CACNA1C: variants seen among roughly 807,000 people sequenced by gnomAD.
CACNA1C encodes the protein voltage-dependent L-type calcium channel subunit alpha-1C.
CACNA1C carries 30 observed loss-of-function variants against 229.0 expected under a neutral mutation model. The ratio of observed to expected loss-of-function variants is 0.13; its 90% CI spans 0.10 to 0.18. The LOEUF (loss-of-function observed/expected upper bound fraction) is 0.18, where lower values mean the gene tolerates loss of function less well. CACNA1C is among the 10% of genes least tolerant of loss of function. The pLI is 1.00. For synonymous variants in CACNA1C, 1,114 were observed against 1,132.5 expected (o/e 0.98, Z 0.33); for missense variants, 1,658 against 2,845.0 (o/e 0.58, Z 9.49).
intron 9 of CACNA1C, among the ~76,000 whole-genome samples, chr12:2,522,698 T>A (rs2099812284): frequency 6.6e-6 from 1 of 152,114 alleles, no homozygotes; most frequent in South Asian, 2.1e-4. Context: ...CATGGATACA[T>A]TTCAGCCCTC....
chr12:2,607,243 T>A, intron 26 of CACNA1C, 113 bp downstream of exon 26: 1 of 1,105,028 alleles, frequency 9.0e-7, no homozygotes, highest in Non-Finnish European at 1.3e-6. Flanking sequence ...AGGTCATATT[T>A]ACCTGGGTCC....
intron 18 of CACNA1C, among the ~76,000 whole-genome samples, chr12:2,588,486 T>C (rs1360456829): frequency 6.6e-6 from 1 of 152,212 alleles, no homozygotes; most frequent in Non-Finnish European, 1.5e-5. Context: ...CTGTCCAGAT[T>C]GCACCCAAAG....
chr12:2,521,847 C>T (rs912424352), intron 9 of CACNA1C, among the ~76,000 whole-genome samples: 1 of 152,212 alleles, frequency 6.6e-6, no homozygotes, highest in Non-Finnish European at 1.5e-5. Flanking sequence ...CATATTTCTG[C>T]AGCCGACTGT....
intron 5 of CACNA1C, among the ~76,000 whole-genome samples, chr12:2,484,451 G>A (rs1418993118): frequency 1.3e-5 from 2 of 152,222 alleles, no homozygotes; most frequent in Non-Finnish European, 2.9e-5. Context: ...GGCACAGGAA[G>A]GATCTTGTCT....
intron 2 of CACNA1C, among the ~76,000 whole-genome samples, chr12:2,119,599 A>C (rs2085589525): frequency 1.3e-5 from 2 of 152,254 alleles, no homozygotes; most frequent in African/African-American, 4.8e-5. Flanking sequence ...AGCCCAGCAC[A>C]CACCAAGGAA....
chr12:2,484,467 C>G (rs1330000203), intron 5 of CACNA1C, among the ~76,000 whole-genome samples: 1 of 152,210 alleles, frequency 6.6e-6, no homozygotes. Flanking sequence ...TGTCTTCATC[C>G]TAAGAGCAGA....
chr12:2,183,576 A>C (rs1598378028), intron 3 of CACNA1C, among the ~76,000 whole-genome samples: 5 of 147,362 alleles, frequency 3.4e-5, no homozygotes, highest in African/African-American at 9.9e-5. Flanking sequence ...CTGGGGACAG[A>C]CCCCCCCCCG....
At chr12:2,176,703 C>A (rs1458703497) in intron 3 of CACNA1C, among the ~76,000 whole-genome samples, 1 of 152,164 alleles carries the variant, frequency 6.6e-6, no homozygotes, top group African/African-American at 2.4e-5. Context: ...CGCTTCAGGA[C>A]ATAAAATCCC....
chr12:2,253,316 A>G, intron 3 of CACNA1C, among the ~76,000 whole-genome samples: 1 of 152,192 alleles, frequency 6.6e-6, no homozygotes. Flanking sequence ...TTTCTAATCA[A>G]GCTTTTGGTT....
chr12:2,461,605 A>G (rs1405224044), intron 5 of CACNA1C, among the ~76,000 whole-genome samples: 2 of 152,202 alleles, frequency 1.3e-5, no homozygotes, highest in Non-Finnish European at 2.9e-5. Flanking sequence ...TCCTGTCTGA[A>G]TAGATAATAA....
In CACNA1C at chr12:2,538,931, T is replaced by G. The variant is rs189778625; in HGVS notation, c.1391-11012T>G. 1.7e-3 allele frequency among the ~76,000 whole-genome samples: 263 copies of G among 152,328 alleles called. 1 individual carries two copies. Among genetic ancestry groups the G allele is most frequent in the African/African-American group, 6.0e-3 (248 of 41,580 alleles). ...TTCTGCGGTGGGGCTGGAGCAACCC[T>G]GCTACAGGCCCCTGCACCACCAGCT... is the stretch of plus-strand genomic sequence containing the variant. On this transcript the variant is annotated intron_variant, in intron 9 of 46. Coordinates refer to ENST00000399655, the MANE Select transcript of CACNA1C (RefSeq NM_000719.7).
intron 3 of CACNA1C, among the ~76,000 whole-genome samples, chr12:2,308,842 A>T (rs1430712354): frequency 6.6e-6 from 1 of 152,228 alleles, no homozygotes; most frequent in Admixed American, 6.5e-5. Flanking sequence ...AATGACAAGT[A>T]TTGATGAGGA....
At chr12:2,087,394 A>G (rs928886080) in intron 1 of CACNA1C, among the ~76,000 whole-genome samples, 1 of 152,202 alleles carries the variant, frequency 6.6e-6, no homozygotes, top group African/African-American at 2.4e-5. Flanking sequence ...TTTAGAGATA[A>G]TTAGAGAACT....
chr12:2,523,207 T>C (rs1393605328), intron 9 of CACNA1C, among the ~76,000 whole-genome samples: 2 of 152,108 alleles, frequency 1.3e-5, no homozygotes, highest in Non-Finnish European at 2.9e-5. Flanking sequence ...TTGAACTTTA[T>C]GATTCTGAGA....
At chr12:2,189,954 G>C (rs1032581368) in intron 3 of CACNA1C, among the ~76,000 whole-genome samples, 1 of 152,346 alleles carries the variant, frequency 6.6e-6, no homozygotes, top group African/African-American at 2.4e-5. Flanking sequence ...TCAAGGCTGG[G>C]TACCAGTGCT....
chr12:2,099,334 A>C (rs2075480956), intron 1 of CACNA1C, among the ~76,000 whole-genome samples: 1 of 152,154 alleles, frequency 6.6e-6, no homozygotes, highest in Non-Finnish European at 1.5e-5. Context: ...CAGGAGTGCA[A>C]GTGGCCCTCT....
chr12:2,033,363 C>G (rs2048546787), intron 1 of CACNA1C, among the ~76,000 whole-genome samples: 1 of 152,184 alleles, frequency 6.6e-6, no homozygotes, highest in Admixed American at 6.5e-5. Context: ...GCTGAGGGGG[C>G]AGCTCTGGCA....
At chr12:1,984,393 T>C (rs2037051010) in intron 1 of CACNA1C, among the ~76,000 whole-genome samples, 1 of 152,132 alleles carries the variant, frequency 6.6e-6, no homozygotes, top group Admixed American at 6.5e-5. Context: ...TATTTCTTTT[T>C]AGTGGTTGCT....
chr12:2,267,694 A>T (rs1385853501), intron 3 of CACNA1C, among the ~76,000 whole-genome samples: 1 of 152,218 alleles, frequency 6.6e-6, no homozygotes, highest in Admixed American at 6.5e-5. Context: ...CCTTCATCCC[A>T]GAGTAGGATG....
Sources: gnomAD v4.1 joint callset for allele counts (sites outside exome capture counted in the v4.1 genomes callset) on GRCh38, gnomAD v4.1.1 for gene constraint, MANE v1.5 for transcripts, NCBI Gene and HGNC (gene_info 2026-07-23, HGNC 2026-07-21) for gene names.